The following PIEZO2 variants were observed in gnomAD, a reference collection of about 807,000 sequenced individuals.
PIEZO2 encodes the protein piezo type mechanosensitive ion channel component 2.
In PIEZO2, 172 loss-of-function variants were observed where a neutral mutation model predicts 337.3. The ratio of observed to expected loss-of-function variants is 0.51; its 90% CI spans 0.45 to 0.58. PIEZO2 has a LOEUF of 0.58. PIEZO2 is among the 20% of genes least tolerant of loss of function. The pLI is 0.00. For missense variants in PIEZO2, 3,028 were observed against 3,391.3 expected, an observed-to-expected ratio of 0.89 and a Z score of 2.66; for synonymous variants, 1,251 against 1,228.5, an observed-to-expected ratio of 1.02 and a Z score of -0.38.
chr18:10,804,729 TTC>T (rs778976579), intron 8 of PIEZO2, among the ~76,000 whole-genome samples: 12 of 152,268 alleles, frequency 7.9e-5, no homozygotes, highest in Non-Finnish European at 1.6e-4. Context: ...ACACTGACTT[TTC>T]TCTCTCTCTT....
chr18:10,880,327 G>A (rs531956229), intron 4 of PIEZO2, among the ~76,000 whole-genome samples: 1 of 152,274 alleles, frequency 6.6e-6, no homozygotes, highest in African/African-American at 2.4e-5. Context: ...GATACTCATG[G>A]GAAGACTACT....
Position 10,744,206 on chromosome 18 carries a change from T to C in PIEZO2, c.4450A>G (p.Ile1484Val), listed in dbSNP as rs373465659. The C allele has an allele frequency of 2.7e-5, 42 of 1,536,644 alleles. No individual in the cohort carries two copies. The highest frequency in any genetic ancestry group is 3.5e-5 in the Non-Finnish European group (40 of 1,146,504). ...ATTCTTGCCTTTACAGCTTTTACAA[T>C]TGTGGCCTGGAAAAGTTCAGCTCCT... Reference protein sequence around the residue: ...SRGAELFQATIVKAVKARIEE... With the variant: ...SRGAELFQATVVKAVKARIEE... Residue 1484 changes from isoleucine to valine, a missense_variant, in exon 31 of 56, where the codon ATT becomes GTT. By Grantham distance (29) the Ile-to-Val change is conservative. Around this residue, in one of 5 missense-constraint regions of PIEZO2, gnomAD observed 1,925 missense variants for 2,051.9 expected, o/e 0.94. Coordinates refer to ENST00000674853, the MANE Select transcript of PIEZO2 (RefSeq NM_001378183.1).
intron 4 of PIEZO2, among the ~76,000 whole-genome samples, chr18:10,910,215 G>C (rs1378476009): frequency 6.6e-6 from 1 of 152,150 alleles, no homozygotes; most frequent in East Asian, 1.9e-4. Context: ...GAAAATTTGA[G>C]ATAAGATGCT....
intron 2 of PIEZO2, among the ~76,000 whole-genome samples, chr18:11,054,079 G>A (rs74417677): frequency 0.024 from 3,614 of 152,158 alleles, 111 homozygotes; most frequent in Admixed American, 0.082. Context: ...ATTCTTGGGC[G>A]ACCTGACCTG....
chr18:10,706,007 C>A, intron 40 of PIEZO2, among the ~76,000 whole-genome samples: 1 of 152,168 alleles, frequency 6.6e-6, no homozygotes. Flanking sequence ...AAGAGCAAAA[C>A]CCACCCCCGT....
At position 10,670,838 on chromosome 18, in the gene PIEZO2, C is replaced by G. The variant is rs893686640; in HGVS notation, c.*689G>C. The G allele has an allele frequency of 6.6e-6, 1 of 151,436 alleles. No individual in the cohort carries two copies. The highest frequency in any genetic ancestry group is 1.5e-5 in the Non-Finnish European group (1 of 67,874). 9.4% of individuals were successfully genotyped at this position (151,436 alleles called of 1,614,324 possible). A position where few individuals can be genotyped will look rare whatever the true frequency, so the allele number is the denominator to read the frequency against. On this transcript the variant is annotated 3_prime_UTR_variant, in exon 56 of 56. Transcript: ENST00000674853. ...ACCATAACAAAGCAGGTGTACACATCATTTGTTTTGCTCCTTTTTTTTTTT... is the reference window on the plus strand; with the variant it reads ...ACCATAACAAAGCAGGTGTACACATGATTTGTTTTGCTCCTTTTTTTTTTT...
Position 10,704,216 on chromosome 18 carries a change from G to C in PIEZO2, c.6258+178C>G, listed in dbSNP as rs2035466415. 3.6e-6 allele frequency: 3 copies of C among 843,970 alleles called. No homozygotes were observed. In the East Asian group the frequency reaches 8.1e-5, roughly 23 times the overall value. The allele number at this position is 843,970 out of a possible 1,614,324, so 52.3% of individuals were successfully genotyped here. On this transcript the variant is annotated intron_variant, in intron 42 of 55. Coordinates refer to ENST00000674853, the MANE Select transcript of PIEZO2 (RefSeq NM_001378183.1). The stretch of plus-strand genomic sequence containing the variant: ...AAGATTTTTAGAATTGCGAGTGCTA[G>C]GTAACTGTTGCTGCTGACGATTTGT...
At chr18:11,012,786 G>A (rs930023867) in intron 2 of PIEZO2, among the ~76,000 whole-genome samples, 1 of 152,194 alleles carries the variant, frequency 6.6e-6, no homozygotes, top group Non-Finnish European at 1.5e-5. Flanking sequence ...GCTCATGCCT[G>A]TAATTCCAAT....
intron 7 of PIEZO2, among the ~76,000 whole-genome samples, chr18:10,832,801 G>A (rs898287336): frequency 2.0e-5 from 3 of 152,130 alleles, no homozygotes; most frequent in Non-Finnish European, 4.4e-5. Context: ...TCTCAGACCC[G>A]GGCCATGGAC....
rs1214470983 is a variant in PIEZO2, at chr18:11,115,280, C to T, written c.64+33245G>A. ...CTAATTGAAAATTGAGTTTTATACA[C>T]AGTTGTTAAGTTTAAAATAGCCTAC... is the stretch of plus-strand genomic sequence containing the variant. On this transcript the variant is annotated intron_variant, in intron 1 of 55. Coordinates refer to ENST00000674853, the MANE Select transcript of PIEZO2 (RefSeq NM_001378183.1). 3.9e-5 allele frequency among the ~76,000 whole-genome samples: 6 copies of T among 152,276 alleles called. No homozygotes were observed. The East Asian group carries it at 1.2e-3, about 29-fold the overall frequency.
rs536004269 is a variant in PIEZO2, at chr18:11,148,687, G to A, written c.-99C>T. The A allele has an allele frequency of 2.1e-5, 27 of 1,316,772 alleles. No homozygotes were observed. The highest frequency in any genetic ancestry group is 1.4e-4 in the South Asian group (11 of 77,752). 81.6% of individuals were successfully genotyped at this position (1,316,772 alleles called of 1,614,324 possible). A position where few individuals can be genotyped will look rare whatever the true frequency, so the allele number is the denominator to read the frequency against. Reference sequence around the variant, plus strand: ...TGCCCGTCTATGGCCTCTCGCCGCCGGCAGCTCGCAGCCACCCGAGCATCG... The same window carrying A: ...TGCCCGTCTATGGCCTCTCGCCGCCAGCAGCTCGCAGCCACCCGAGCATCG... On this transcript the variant is annotated 5_prime_UTR_variant, in exon 1 of 56. Coordinates refer to ENST00000674853, the MANE Select transcript of PIEZO2 (RefSeq NM_001378183.1). The surrounding 1 kb of genome is among the most constrained non-coding windows in gnomAD (Gnocchi z 5.2).
chr18:10,812,984 CTT>C (rs5823122), intron 7 of PIEZO2, among the ~76,000 whole-genome samples: 2 of 146,276 alleles, frequency 1.4e-5, no homozygotes, highest in Admixed American at 1.4e-4. Flanking sequence ...TTATTTTAAA[CTT>C]TTTTTTTTTT....
chr18:11,130,494 A>C (rs1170730563), intron 1 of PIEZO2, among the ~76,000 whole-genome samples: 1 of 152,218 alleles, frequency 6.6e-6, no homozygotes, highest in East Asian at 1.9e-4. Context: ...ATTCGGAGAG[A>C]CCTTGATAGC....
chr18:10,807,105 TC>T lies in PIEZO2; in HGVS notation c.1080+6del. The T allele has an allele frequency of 6.5e-7, 1 of 1,531,566 alleles. No individual in the cohort carries two copies. Among genetic ancestry groups the T allele is most frequent in the Non-Finnish European group, 8.7e-7 (1 of 1,143,390 alleles). The allele number at this position is 1,531,566 out of a possible 1,614,324, so 94.9% of individuals were successfully genotyped here. On this transcript the variant is annotated splice_donor_region_variant and intron_variant, in intron 8 of 55. Transcript: ENST00000674853. ...AGACAAGATCATGAAAATGTTTTTG[TC>T]CTTACAAGGGGCTCTTGCAGCCAGA...
At position 11,110,978 on chromosome 18, in the gene PIEZO2, C is replaced by A. The variant is rs766214805; in HGVS notation, c.64+37547G>T. On this transcript the variant is annotated intron_variant, in intron 1 of 55. Coordinates refer to ENST00000674853, the MANE Select transcript of PIEZO2 (RefSeq NM_001378183.1). This position sits in a 1 kb window ranked among gnomAD's most constrained non-coding sequence, Gnocchi z 4.2. ...CTGCGTCAGAGTCCACCATGAGAGC[C>A]ACTGCAGGGCTTCGGAACGGAGGAG... Among the ~76,000 whole-genome samples, 24 of 152,214 alleles carry A rather than the reference C, an allele frequency of 1.6e-4. No homozygotes were observed. Among genetic ancestry groups the A allele is most frequent in the Non-Finnish European group, 3.1e-4 (21 of 68,034 alleles).
intron 4 of PIEZO2, among the ~76,000 whole-genome samples, chr18:10,885,923 T>A (rs538813192): frequency 3.8e-4 from 58 of 152,248 alleles, no homozygotes; most frequent in Non-Finnish European, 6.8e-4. Flanking sequence ...CCAGGGTTTG[T>A]TCCTATTCAA....
chr18:10,748,517 G>C lies in PIEZO2; in HGVS notation c.4378C>G (p.Leu1460Val). The C allele has an allele frequency of 6.5e-7, 1 of 1,536,990 alleles. No individual in the cohort carries two copies. Among genetic ancestry groups the C allele is most frequent in the Non-Finnish European group, 8.7e-7 (1 of 1,146,840 alleles). Residue 1460 changes from leucine to valine, a missense_variant, in exon 30 of 56, where the codon CTA becomes GTA. Leu to Val is a conservative substitution (Grantham distance 32). This residue lies in a region of PIEZO2 where 1,925 missense variants were observed against 2,051.9 expected (regional missense o/e 0.94). Transcript: ENST00000674853. This position sits in a 1 kb window ranked among gnomAD's most constrained non-coding sequence, Gnocchi z 5.1. ...QRRVFMSYYFLHVVADIKASQ... is the reference protein window; with the variant it reads ...QRRVFMSYYFVHVVADIKASQ... ...GCTTTTATATCAGCCACAACATGTA[G>C]AAAATAATAACTCATGAAAACTCTT...
intron 36 of PIEZO2, among the ~76,000 whole-genome samples, chr18:10,720,255 C>T (rs2036211013): frequency 9.3e-6 from 1 of 107,674 alleles, no homozygotes; most frequent in Admixed American, 1.2e-4. Context: ...TATATGGAGC[C>T]CAGGTAATAT....
At chr18:10,963,966 G>A (rs2033894635) in intron 3 of PIEZO2, among the ~76,000 whole-genome samples, 1 of 152,188 alleles carries the variant, frequency 6.6e-6, no homozygotes, top group South Asian at 2.1e-4. Context: ...AGAAAAAGAT[G>A]TATTAGAGAG....
Sources: allele counts gnomAD v4.1 joint callset (sites outside exome capture counted in the v4.1 genomes callset), GRCh38; gene constraint gnomAD v4.1.1; regional missense constraint gnomAD v4.1.1; non-coding constraint Gnocchi (gnomAD v3.1); transcripts MANE v1.5; gene names NCBI Gene and HGNC (gene_info 2026-07-23, HGNC 2026-07-21).